The following DISC1 variants were observed in gnomAD, a reference collection of about 807,000 sequenced individuals.
DISC1 encodes the protein DISC1 scaffold protein.
A neutral mutation model predicts 84.5 loss-of-function variants in DISC1; 57 were observed. That is an observed-to-expected ratio of 0.67 (90% CI 0.55 to 0.84). DISC1 has a LOEUF of 0.84. DISC1 is among the 40% of genes least tolerant of loss of function. The pLI, the probability that DISC1 is intolerant of heterozygous loss-of-function variation, is 0.00. For missense variants in DISC1, 1,000 were observed against 1,057.8 expected (o/e 0.95, Z 0.76); for synonymous variants, 411 against 415.2 (o/e 0.99, Z 0.12).
chr1:231,628,066 A>AT (rs1434393394), intron 1 of DISC1, among the ~76,000 whole-genome samples: 1 of 152,178 alleles, frequency 6.6e-6, no homozygotes, highest in Non-Finnish European at 1.5e-5. Context: ...CTTAGTTGCT[A>AT]TTTTTCCTAG....
chr1:231,893,710 G>A (rs995727451), intron 9 of DISC1, among the ~76,000 whole-genome samples: 3 of 152,120 alleles, frequency 2.0e-5, no homozygotes, highest in African/African-American at 7.2e-5. Context: ...GGCATATAAA[G>A]CCTCTGGGTG....
intron 3 of DISC1, among the ~76,000 whole-genome samples, chr1:231,721,384 T>A (rs1055427395): frequency 6.6e-6 from 1 of 152,178 alleles, no homozygotes; most frequent in African/African-American, 2.4e-5. Context: ...TCTAATAAAA[T>A]CCTTAGTACC....
intron 3 of DISC1, among the ~76,000 whole-genome samples, chr1:231,708,693 C>T (rs924004758): frequency 2.6e-5 from 4 of 152,178 alleles, no homozygotes; most frequent in Non-Finnish European, 4.4e-5. Context: ...GTCAATTTGT[C>T]TCCCATCCCT....
intron 3 of DISC1, among the ~76,000 whole-genome samples, chr1:231,724,302 C>T (rs543810577): frequency 2.2e-4 from 34 of 152,272 alleles, no homozygotes; most frequent in African/African-American, 7.5e-4. Flanking sequence ...TCTAGAAGAG[C>T]CTTTTCCCTT....
intron 3 of DISC1, among the ~76,000 whole-genome samples, chr1:231,732,267 A>G (rs1484003356): frequency 6.6e-6 from 1 of 152,204 alleles, no homozygotes. Context: ...CATACATCGC[A>G]TCATGAATTT....
chr1:232,018,788 G>A (rs1414399786), intron 11 of DISC1, among the ~76,000 whole-genome samples: 1 of 152,208 alleles, frequency 6.6e-6, no homozygotes, highest in African/African-American at 2.4e-5. Flanking sequence ...GCCAATAAAA[G>A]CCATGTGTGT....
In DISC1 at chr1:232,038,348, T is replaced by G. The variant is rs980128557; in HGVS notation, c.*1517T>G. On this transcript the variant is annotated 3_prime_UTR_variant, in exon 13 of 13. Transcript: ENST00000439617. ...GAGACAGCTGCAAAACAGGCTGATT[T>G]CAATTAGGCAGCACTTCCCAAAGTG... is the stretch of plus-strand genomic sequence containing the variant. 1 of 152,168 alleles carries G rather than the reference T, an allele frequency of 6.6e-6. No individual in the cohort carries two copies. Among genetic ancestry groups the G allele is most frequent in the Admixed American group, 6.5e-5 (1 of 15,278 alleles). The allele number at this position is 152,168 out of a possible 1,614,324, so 9.4% of individuals were successfully genotyped here. A position where few individuals can be genotyped will look rare whatever the true frequency, so the allele number is the denominator to read the frequency against.
intron 9 of DISC1, among the ~76,000 whole-genome samples, chr1:231,844,695 CG>C (rs2083318667): frequency 6.6e-6 from 1 of 151,780 alleles, no homozygotes; most frequent in Non-Finnish European, 1.5e-5. Flanking sequence ...GGGAGGCCGA[CG>C]GGGGTGGATC....
At chr1:231,883,036 C>A (rs955836948) in intron 9 of DISC1, among the ~76,000 whole-genome samples, 3 of 151,798 alleles carry the variant, frequency 2.0e-5, no homozygotes, top group Admixed American at 2.0e-4. Flanking sequence ...TGTAGACACA[C>A]GGGAGCTGCC....
chr1:231,838,390 T>C (rs949590444), intron 9 of DISC1, among the ~76,000 whole-genome samples: 1 of 152,200 alleles, frequency 6.6e-6, no homozygotes, highest in Non-Finnish European at 1.5e-5. Flanking sequence ...ATTTGTTATT[T>C]TTTAATATTA....
intron 8 of DISC1, among the ~76,000 whole-genome samples, chr1:231,807,930 C>T (rs1358421965): frequency 1.3e-5 from 2 of 152,176 alleles, no homozygotes; most frequent in Non-Finnish European, 1.5e-5. Flanking sequence ...CAGAGGCAGC[C>T]CTGCATTTAA....
At chr1:232,017,749 A>G (rs1171155487) in intron 11 of DISC1, among the ~76,000 whole-genome samples, 2 of 152,198 alleles carry the variant, frequency 1.3e-5, no homozygotes, top group African/African-American at 4.8e-5. Context: ...ACTTCTCTGC[A>G]CAGCCCCCAG....
intron 1 of DISC1, among the ~76,000 whole-genome samples, chr1:231,679,610 C>A (rs2063494395): frequency 6.6e-6 from 1 of 152,160 alleles, no homozygotes; most frequent in African/African-American, 2.4e-5. Context: ...TTATTCTTAA[C>A]AGTAAAATGT....
At chr1:231,723,223 C>T (rs886948039) in intron 3 of DISC1, 7 of 867,272 alleles carry the variant, frequency 8.1e-6, no homozygotes, top group Non-Finnish European at 6.8e-6. Context: ...GGATCTGGAA[C>T]CCCTGATACA....
At chr1:232,010,162 G>T (rs1046092349) in intron 11 of DISC1, among the ~76,000 whole-genome samples, 7 of 152,276 alleles carry the variant, frequency 4.6e-5, no homozygotes, top group Middle Eastern at 3.4e-3. Context: ...CCAGTCACAG[G>T]CTCTACGTTA....
At chr1:232,017,251 A>G (rs1453473640) in intron 11 of DISC1, among the ~76,000 whole-genome samples, 3 of 152,202 alleles carry the variant, frequency 2.0e-5, no homozygotes, top group Non-Finnish European at 4.4e-5. Flanking sequence ...AAGCTCATGG[A>G]TGGGGGTAAT....
rs930988703 is a variant in DISC1, at chr1:231,687,346, C to T, written c.68-6480C>T. Among the ~76,000 whole-genome samples the T allele has an allele frequency of 7.9e-5, 12 of 152,172 alleles. No homozygotes were observed. In the East Asian group the frequency reaches 9.7e-4, roughly 12 times the overall value. On this transcript the variant is annotated intron_variant, in intron 1 of 12. Transcript: ENST00000439617. The stretch of plus-strand genomic sequence containing the variant: ...GGCTGGGGAGGCCTCAGAATCATGG[C>T]GGGAGGTGAAAGACACTTCTTACAT...
At chr1:231,860,791 C>T (rs1357984105) in intron 9 of DISC1, among the ~76,000 whole-genome samples, 1 of 152,158 alleles carries the variant, frequency 6.6e-6, no homozygotes, top group African/African-American at 2.4e-5. Context: ...TTGAATGAGA[C>T]ACATTTCCCT....
At chr1:231,794,634 C>A (rs574981979) in intron 6 of DISC1, among the ~76,000 whole-genome samples, 1 of 152,070 alleles carries the variant, frequency 6.6e-6, no homozygotes, top group Admixed American at 6.6e-5. Flanking sequence ...AACAGACAGT[C>A]GCTGCCTTCA....
Sources: allele counts gnomAD v4.1 joint callset (sites outside exome capture counted in the v4.1 genomes callset), GRCh38; gene constraint gnomAD v4.1.1; transcripts MANE v1.5; gene names NCBI Gene and HGNC (gene_info 2026-07-23, HGNC 2026-07-21).